The following MBNL1 variants were observed in gnomAD, a reference collection of about 807,000 sequenced individuals.
MBNL1 encodes muscleblind-like protein 1.
A neutral mutation model predicts 42.2 loss-of-function variants in MBNL1; 8 were observed. That is an observed-to-expected ratio of 0.19 (90% CI 0.11 to 0.34). The LOEUF is 0.34. MBNL1 is among the 10% of genes least tolerant of loss of function. The pLI, the probability that MBNL1 is intolerant of heterozygous loss-of-function variation, is 1.00. For missense variants in MBNL1, 309 were observed against 495.3 expected (o/e 0.62, Z 3.57); for synonymous variants, 169 against 173.9 (o/e 0.97, Z 0.22).
intron 2 of MBNL1, among the ~76,000 whole-genome samples, chr3:152,334,318 C>CA (rs915882867): frequency 5.3e-5 from 8 of 152,014 alleles, no homozygotes; most frequent in Admixed American, 3.3e-4. Flanking sequence ...TTAAATTATA[C>CA]AAAAAAACTG....
rs1235335609 is a variant in MBNL1 at position 152,269,048 on chromosome 3, C to T, written c.-834C>T. The T allele has an allele frequency of 2.2e-6, 1 of 456,114 alleles. No individual in the cohort carries two copies. Among genetic ancestry groups the T allele is most frequent in the South Asian group, 1.5e-5 (1 of 64,552 alleles). 28.3% of individuals were successfully genotyped at this position (456,114 alleles called of 1,614,324 possible). On this transcript the variant is annotated 5_prime_UTR_variant, in exon 1 of 10. Transcript: ENST00000324210. The stretch of plus-strand genomic sequence containing the variant: ...ATCATGACTCCCACAATGCCTTGGG[C>T]ACTTGGTCGACAGTGGGGCCGCCTC...
chr3:152,355,427 A>G (rs372985162), intron 2 of MBNL1, among the ~76,000 whole-genome samples: 34 of 152,348 alleles, frequency 2.2e-4, no homozygotes, highest in African/African-American at 7.7e-4. Flanking sequence ...ATCAGAGTGA[A>G]TGTAATTTGA....
chr3:152,269,717 TTTC>T (rs148863620), intron 1 of MBNL1: 49,752 of 231,760 alleles, frequency 0.21, 5,713 homozygotes, highest in East Asian at 0.45. Flanking sequence ...GCCTCCTCCT[TTTC>T]TTCTTCTTCT....
chr3:152,275,303 A>G (rs553935575), intron 1 of MBNL1, among the ~76,000 whole-genome samples: 39 of 152,292 alleles, frequency 2.6e-4, no homozygotes, highest in Admixed American at 2.4e-3. Flanking sequence ...GTATTCCCCT[A>G]TCAAAGGCCC....
intron 3 of MBNL1, among the ~76,000 whole-genome samples, chr3:152,417,499 G>T (rs1579994877): frequency 1.3e-5 from 2 of 152,270 alleles, no homozygotes; most frequent in South Asian, 4.1e-4. Flanking sequence ...TCTGAGCAGT[G>T]ACAAGACTTT....
intron 4 of MBNL1, among the ~76,000 whole-genome samples, chr3:152,433,667 G>T (rs2055358): frequency 0.27 from 41,237 of 150,176 alleles, 5,807 homozygotes; most frequent in African/African-American, 0.34. Flanking sequence ...GGAGAATGGC[G>T]TGAACCCGGG....
At chr3:152,422,225 G>A (rs545373458) in intron 3 of MBNL1, among the ~76,000 whole-genome samples, 122 of 102,592 alleles carry the variant, frequency 1.2e-3, no homozygotes, top group Middle Eastern at 6.9e-3. Context: ...AAAATAAAGG[G>A]AAAATAAAGG....
At chr3:152,388,655 A>G (rs564637769) in intron 2 of MBNL1, among the ~76,000 whole-genome samples, 1 of 152,328 alleles carries the variant, frequency 6.6e-6, no homozygotes, top group Non-Finnish European at 1.5e-5. Context: ...GGAAAAGGAT[A>G]GGATAGAAAG....
At chr3:152,445,957 T>C (rs2099218216) in intron 5 of MBNL1, among the ~76,000 whole-genome samples, 1 of 152,218 alleles carries the variant, frequency 6.6e-6, no homozygotes, top group Non-Finnish European at 1.5e-5. Context: ...AACAATAACA[T>C]GATCTGGAAC....
At chr3:152,303,210 T>C (rs1427037654) in intron 2 of MBNL1, among the ~76,000 whole-genome samples, 5 of 152,148 alleles carry the variant, frequency 3.3e-5, no homozygotes, top group African/African-American at 1.2e-4. Context: ...TGTATCGTAA[T>C]AAATCTGTTG....
At position 152,278,592 on chromosome 3, in the gene MBNL1, A is replaced by C. The variant is rs1352405051; in HGVS notation, c.-790+9500A>C. Reference sequence around the variant, plus strand: ...ACTTTCTCAGAGTGATATAGTTTTGAGGACTGAGATTTTAAAAGTAAATAT... The same window carrying C: ...ACTTTCTCAGAGTGATATAGTTTTGCGGACTGAGATTTTAAAAGTAAATAT... On this transcript the variant is annotated intron_variant, in intron 1 of 9. Coordinates refer to ENST00000324210, the MANE Select transcript of MBNL1 (RefSeq NM_021038.5). 2.6e-5 allele frequency among the ~76,000 whole-genome samples: 4 copies of C among 152,274 alleles called. No individual in the cohort carries two copies. The East Asian group carries it at 7.7e-4, about 29-fold the overall frequency.
At chr3:152,364,559 G>A (rs961185334) in intron 2 of MBNL1, among the ~76,000 whole-genome samples, 4 of 151,922 alleles carry the variant, frequency 2.6e-5, no homozygotes, top group Admixed American at 6.6e-5. Context: ...GAATTGTACA[G>A]TAAGAGCTGT....
chr3:152,367,750 G>A (rs554749618), intron 2 of MBNL1, among the ~76,000 whole-genome samples: 1 of 152,188 alleles, frequency 6.6e-6, no homozygotes, highest in Admixed American at 6.5e-5. Context: ...ATCTCATTGT[G>A]GTTTTGATTT....
intron 2 of MBNL1, among the ~76,000 whole-genome samples, chr3:152,413,227 C>G (rs1279773487): frequency 6.6e-6 from 1 of 152,164 alleles, no homozygotes; most frequent in African/African-American, 2.4e-5. Flanking sequence ...TATGTTACTT[C>G]GTGAGCATAC....
At chr3:152,270,424 T>C (rs959847638) in intron 1 of MBNL1, among the ~76,000 whole-genome samples, 1 of 152,200 alleles carries the variant, frequency 6.6e-6, no homozygotes, top group African/African-American at 2.4e-5. Flanking sequence ...TGTCTGTTTA[T>C]ACACAGAGGG....
intron 3 of MBNL1, among the ~76,000 whole-genome samples, chr3:152,418,177 C>T (rs940501974): frequency 6.6e-6 from 1 of 152,180 alleles, no homozygotes; most frequent in Non-Finnish European, 1.5e-5. Context: ...ACAAACCATC[C>T]TTTAAAGTAG....
chr3:152,398,836 T>C (rs142524208), intron 2 of MBNL1, among the ~76,000 whole-genome samples: 5 of 152,306 alleles, frequency 3.3e-5, no homozygotes, highest in Non-Finnish European at 7.4e-5. Flanking sequence ...TCTTTCAAAC[T>C]TGTTTCCTGC....
intron 2 of MBNL1, among the ~76,000 whole-genome samples, chr3:152,335,823 G>A (rs951333376): frequency 3.9e-5 from 6 of 152,066 alleles, no homozygotes; most frequent in Non-Finnish European, 5.9e-5. Context: ...CCATAAAAAC[G>A]GTAAGAGCTA....
chr3:152,409,456 A>T (rs531998678), intron 2 of MBNL1, among the ~76,000 whole-genome samples: 4 of 150,736 alleles, frequency 2.7e-5, no homozygotes, highest in South Asian at 2.1e-4. Context: ...TATTTGTATC[A>T]TCTTAGCTGA....
Sources: allele counts gnomAD v4.1 joint callset (sites outside exome capture counted in the v4.1 genomes callset), GRCh38; gene constraint gnomAD v4.1.1; transcripts MANE v1.5; gene names NCBI Gene and HGNC (gene_info 2026-07-23, HGNC 2026-07-21).